The following ERC2 variants were observed in gnomAD, a reference collection of about 807,000 sequenced individuals.
ERC2 encodes the protein ERC protein 2.
In ERC2, 42 loss-of-function variants were observed where a neutral mutation model predicts 114.8. That is an observed-to-expected ratio of 0.37 (90% confidence interval 0.29 to 0.47). The LOEUF (loss-of-function observed/expected upper bound fraction) is 0.47, where lower values mean the gene tolerates loss of function less well. Ranked by LOEUF, ERC2 falls within the 20% of genes least tolerant of loss-of-function variation. The pLI is 0.99. For synonymous variants in ERC2, 454 were observed against 425.5 expected (o/e 1.07, Z -0.82); for missense variants, 939 against 1,150.7 (o/e 0.82, Z 2.66).
chr3:56,431,310 C>G (rs1447378883), intron 2 of ERC2, among the ~76,000 whole-genome samples: 1 of 152,206 alleles, frequency 6.6e-6, no homozygotes, highest in East Asian at 1.9e-4. Flanking sequence ...TCTCTCCTCC[C>G]TTTCCTGGAC....
At chr3:55,579,407 C>T (rs1383313158) in intron 17 of ERC2, among the ~76,000 whole-genome samples, 28 of 152,172 alleles carry the variant, frequency 1.8e-4, no homozygotes, top group Admixed American at 1.8e-3. Flanking sequence ...TTACAACAGG[C>T]ATCTGCTATA....
At chr3:55,661,300 G>T (rs1166514797) in intron 17 of ERC2, among the ~76,000 whole-genome samples, 2 of 152,190 alleles carry the variant, frequency 1.3e-5, no homozygotes, top group Non-Finnish European at 2.9e-5. Context: ...TTACTTTCCA[G>T]CTCATTCAGG....
intron 3 of ERC2, among the ~76,000 whole-genome samples, chr3:56,283,560 C>T (rs960122650): frequency 6.6e-6 from 1 of 152,126 alleles, no homozygotes; most frequent in African/African-American, 2.4e-5. Context: ...TGACAAAGGC[C>T]CCCTCCACCC....
intron 2 of ERC2, among the ~76,000 whole-genome samples, chr3:56,308,454 T>G (rs1231730546): frequency 1.3e-5 from 2 of 152,210 alleles, no homozygotes; most frequent in African/African-American, 4.8e-5. Flanking sequence ...CAATAGCTAC[T>G]GGAGTCAGAA....
At chr3:55,712,308 A>G (rs2063817426) in intron 15 of ERC2, among the ~76,000 whole-genome samples, 1 of 152,216 alleles carries the variant, frequency 6.6e-6, no homozygotes, top group East Asian at 1.9e-4. Flanking sequence ...AATTGTGCAG[A>G]CAGGTGAGAG....
At chr3:55,737,894 A>G (rs992003410) in intron 14 of ERC2, among the ~76,000 whole-genome samples, 4 of 152,128 alleles carry the variant, frequency 2.6e-5, no homozygotes, top group Non-Finnish European at 5.9e-5. Context: ...GCCCCATATA[A>G]TAGTGTCTCC....
chr3:55,964,849 C>T (rs2068633777), intron 12 of ERC2, among the ~76,000 whole-genome samples: 1 of 152,150 alleles, frequency 6.6e-6, no homozygotes, highest in African/African-American at 2.4e-5. Flanking sequence ...CTGAGGTTCC[C>T]AGCTTTTAAC....
chr3:55,540,059 T>G (rs2054292224), intron 17 of ERC2, among the ~76,000 whole-genome samples: 1 of 152,070 alleles, frequency 6.6e-6, no homozygotes, highest in Non-Finnish European at 1.5e-5. Flanking sequence ...AAGGATTTGT[T>G]CAGGATCCCA....
chr3:56,372,863 A>G (rs1465185439), intron 2 of ERC2, among the ~76,000 whole-genome samples: 1 of 152,216 alleles, frequency 6.6e-6, no homozygotes, highest in Admixed American at 6.5e-5. Context: ...TAAAACCCAT[A>G]TTTGACTGAC....
intron 3 of ERC2, among the ~76,000 whole-genome samples, chr3:56,219,970 A>C (rs1183694751): frequency 1.3e-5 from 2 of 151,964 alleles, no homozygotes; most frequent in East Asian, 3.8e-4. Flanking sequence ...AAAATTGCGG[A>C]AAGTGCATTG....
At chr3:55,513,752 G>T (rs188385968) in intron 17 of ERC2, among the ~76,000 whole-genome samples, 1 of 152,170 alleles carries the variant, frequency 6.6e-6, no homozygotes, top group Non-Finnish European at 1.5e-5. Flanking sequence ...TCCTAGCTCA[G>T]CCCCTCAAGG....
At chr3:55,859,658 G>A (rs1311410036) in intron 14 of ERC2, among the ~76,000 whole-genome samples, 1 of 151,784 alleles carries the variant, frequency 6.6e-6, no homozygotes, top group Non-Finnish European at 1.5e-5. Flanking sequence ...AGGTATGTGT[G>A]CCTTTGCCCA....
chr3:56,277,025 T>G (rs913236484), intron 3 of ERC2, among the ~76,000 whole-genome samples: 2 of 152,164 alleles, frequency 1.3e-5, no homozygotes, highest in Non-Finnish European at 2.9e-5. Flanking sequence ...CTTTGCCTCA[T>G]CCCTAGGGAC....
At chr3:56,354,601 C>T (rs1459579167) in intron 2 of ERC2, among the ~76,000 whole-genome samples, 2 of 152,162 alleles carry the variant, frequency 1.3e-5, no homozygotes, top group Non-Finnish European at 2.9e-5. Context: ...AAATGCTCTA[C>T]TTCTCTCATA....
At position 56,434,677 on chromosome 3, in the gene ERC2, G is replaced by T; in HGVS notation, c.331C>A (p.His111Asn). The T allele has an allele frequency of 6.2e-7, 1 of 1,613,966 alleles. No homozygotes were observed. Among genetic ancestry groups the T allele is most frequent in the Non-Finnish European group, 8.5e-7 (1 of 1,179,882 alleles). ...SPNIASAGLS[H>N]TDVLSYTDQH... ...TCTGTGTATGAAAGGACATCTGTGTGGGAAAGTCCAGCAGAAGCAATATTG... is the reference window on the plus strand; with the variant it reads ...TCTGTGTATGAAAGGACATCTGTGTTGGAAAGTCCAGCAGAAGCAATATTG... Residue 111 changes from histidine to asparagine, a missense_variant, in exon 2 of 18, where the codon CAC becomes AAC. This residue lies in a region of ERC2 where 281 missense variants were observed against 307.4 expected (regional missense o/e 0.91). Transcript: ENST00000288221.
intron 14 of ERC2, among the ~76,000 whole-genome samples, chr3:55,877,629 A>G (rs1458435007): frequency 1.3e-5 from 2 of 151,032 alleles, no homozygotes; most frequent in African/African-American, 2.4e-5. Context: ...CTCCCATCTC[A>G]GCCTCCCGAG....
At chr3:56,170,796 G>C (rs1465864801) in intron 4 of ERC2, among the ~76,000 whole-genome samples, 1 of 134,530 alleles carries the variant, frequency 7.4e-6, no homozygotes, top group Non-Finnish European at 1.5e-5. Flanking sequence ...ACAGAGTCTC[G>C]CTCTGTCCTC....
At chr3:56,131,149 A>G (rs1304077739) in intron 6 of ERC2, among the ~76,000 whole-genome samples, 1 of 152,200 alleles carries the variant, frequency 6.6e-6, no homozygotes, top group Non-Finnish European at 1.5e-5. Flanking sequence ...ACCATTTTGC[A>G]GACCTCCCAA....
chr3:55,789,428 T>A (rs2069800192), intron 14 of ERC2, among the ~76,000 whole-genome samples: 1 of 152,192 alleles, frequency 6.6e-6, no homozygotes, highest in African/African-American at 2.4e-5. Context: ...TTTACACAGA[T>A]AAGATCCCAA....
Sources: allele counts gnomAD v4.1 joint callset (sites outside exome capture counted in the v4.1 genomes callset), GRCh38; gene constraint gnomAD v4.1.1; regional missense constraint gnomAD v4.1.1; transcripts MANE v1.5; gene names NCBI Gene and HGNC (gene_info 2026-07-23, HGNC 2026-07-21).